Variants in ARB2A observed in about 807,000 individuals in gnomAD.
ARB2A encodes ARB2 cotranscriptional regulator A.
At chr5:93,867,662 T>C in the ARB2A span, among the ~76,000 whole-genome samples, 1 of 152,084 alleles carries the variant, frequency 6.6e-6, no homozygotes, top group Non-Finnish European at 1.5e-5. Context: ...GTGATCTGCC[T>C]GCCTCAGCCT....
chr5:93,699,555 A>G, the ARB2A span, among the ~76,000 whole-genome samples: 1 of 152,002 alleles, frequency 6.6e-6, no homozygotes, highest in Non-Finnish European at 1.5e-5. Flanking sequence ...AGTGGAGAAC[A>G]ATCTCCCTGT....
chr5:93,856,129 G>A, the ARB2A span, among the ~76,000 whole-genome samples: 3 of 152,174 alleles, frequency 2.0e-5, no homozygotes, highest in African/African-American at 7.2e-5. Context: ...CTCTCTTCTG[G>A]CTTGTAGGGT....
the ARB2A span, among the ~76,000 whole-genome samples, chr5:94,002,911 T>C: frequency 1.1e-3 from 165 of 152,126 alleles, no homozygotes; most frequent in Non-Finnish European, 1.9e-3. Context: ...TCCCCAATTA[T>C]AGTAGGAAGG....
chr5:93,717,620 T>C, the ARB2A span, among the ~76,000 whole-genome samples: 2 of 152,100 alleles, frequency 1.3e-5, no homozygotes, highest in Non-Finnish European at 2.9e-5. Flanking sequence ...AATGGATTAA[T>C]GACAGCTGAA....
At chr5:93,842,186 G>A in the ARB2A span, among the ~76,000 whole-genome samples, 10 of 152,176 alleles carry the variant, frequency 6.6e-5, no homozygotes, top group Non-Finnish European at 1.2e-4. Flanking sequence ...AGGGGCACAA[G>A]AGGAAACTTT....
At chr5:93,679,367 C>T in the ARB2A span, among the ~76,000 whole-genome samples, 1 of 151,932 alleles carries the variant, frequency 6.6e-6, no homozygotes, top group African/African-American at 2.4e-5. Context: ...ATCTTCAACA[C>T]GTCGAAAATG....
At chr5:93,899,807 A>T in the ARB2A span, among the ~76,000 whole-genome samples, 1 of 152,194 alleles carries the variant, frequency 6.6e-6, no homozygotes, top group Admixed American at 6.6e-5. Context: ...AGTTTTAATG[A>T]CATGCATATA....
At chr5:94,016,864 G>A in the ARB2A span, among the ~76,000 whole-genome samples, 12 of 152,280 alleles carry the variant, frequency 7.9e-5, no homozygotes, top group South Asian at 4.1e-4. Context: ...ATGGCAAAAG[G>A]ACTTGTCTAA....
chr5:94,078,462 T>C, the ARB2A span, among the ~76,000 whole-genome samples: 4 of 152,200 alleles, frequency 2.6e-5, no homozygotes, highest in Non-Finnish European at 5.9e-5. Context: ...TTCATAGTAA[T>C]GCTGGACAGC....
chr5:93,934,238 A>G, the ARB2A span, among the ~76,000 whole-genome samples: 1 of 152,214 alleles, frequency 6.6e-6, no homozygotes, highest in South Asian at 2.1e-4. Context: ...CCCCATACAC[A>G]GATCACACAA....
the ARB2A span, among the ~76,000 whole-genome samples, chr5:93,907,333 G>A: frequency 6.6e-6 from 1 of 151,296 alleles, no homozygotes; most frequent in Non-Finnish European, 1.5e-5. Context: ...TTTTAAAAAA[G>A]CCTTCAGGAT....
At chr5:93,714,274 G>A in the ARB2A span, among the ~76,000 whole-genome samples, 1 of 152,216 alleles carries the variant, frequency 6.6e-6, no homozygotes, top group Non-Finnish European at 1.5e-5. Flanking sequence ...GCTACTAAAT[G>A]CATCTGAACT....
At chr5:94,109,423 G>A in the ARB2A span, among the ~76,000 whole-genome samples, 1 of 152,162 alleles carries the variant, frequency 6.6e-6, no homozygotes, top group Non-Finnish European at 1.5e-5. Flanking sequence ...AACCCAATCT[G>A]ACTCTAAAAA....
the ARB2A span, among the ~76,000 whole-genome samples, chr5:94,065,166 A>G: frequency 6.6e-6 from 1 of 152,238 alleles, no homozygotes; most frequent in African/African-American, 2.4e-5. Flanking sequence ...CATGCTGACT[A>G]CAAAACACTC....
At chr5:93,980,128 T>A in the ARB2A span, among the ~76,000 whole-genome samples, 1 of 152,160 alleles carries the variant, frequency 6.6e-6, no homozygotes, top group Non-Finnish European at 1.5e-5. Context: ...CTTAGTTGCA[T>A]CCCACTTTCT....
At chr5:94,023,932 A>G in the ARB2A span, among the ~76,000 whole-genome samples, 1 of 152,200 alleles carries the variant, frequency 6.6e-6, no homozygotes, top group Non-Finnish European at 1.5e-5. Context: ...GTAGAAAGCT[A>G]TAAGACAAGA....
chr5:93,830,311 G>GTGTTTGTGTGTGTATA, the ARB2A span, among the ~76,000 whole-genome samples: 1 of 82,270 alleles, frequency 1.2e-5, no homozygotes, highest in Admixed American at 1.3e-4. Flanking sequence ...GTGTGTGTGT[G>GTGTTTGTGTGTGTATA]TATATATATA....
chr5:93,620,047 A>C, the ARB2A span: 1 of 152,040 alleles, frequency 6.6e-6, no homozygotes, highest in Admixed American at 6.5e-5. Flanking sequence ...AAGGATTAAC[A>C]ACAACCTTTC....
At chr5:93,829,925 T>C in the ARB2A span, among the ~76,000 whole-genome samples, 2 of 152,212 alleles carry the variant, frequency 1.3e-5, no homozygotes, top group Non-Finnish European at 2.9e-5. Flanking sequence ...TTGTCTGCTT[T>C]GATAGTTACA....
Sources: gnomAD v4.1 joint callset for allele counts (sites outside exome capture counted in the v4.1 genomes callset) on GRCh38, gnomAD v4.1.1 for gene constraint, MANE v1.5 for transcripts, NCBI Gene and HGNC (gene_info 2026-07-23, HGNC 2026-07-21) for gene names.